Variants in NRG3 observed in about 807,000 individuals in gnomAD.
The protein encoded by NRG3 is pro-neuregulin-3, membrane-bound isoform.
In NRG3, 31 loss-of-function variants were observed where a neutral mutation model predicts 66.9. That is an observed-to-expected ratio of 0.46 (90% CI 0.35 to 0.63). The LOEUF (loss-of-function observed/expected upper bound fraction) is 0.63, where lower values mean the gene tolerates loss of function less well. Among genes scored for constraint, NRG3 ranks in the 20% least tolerant of loss-of-function variants. The pLI is 0.00. For missense variants in NRG3, 910 were observed against 878.9 expected (o/e 1.04, Z -0.45); for synonymous variants, 393 against 359.4 (o/e 1.09, Z -1.06).
chr10:82,322,028 T>A (rs966442125), intron 1 of NRG3, among the ~76,000 whole-genome samples: 15 of 152,176 alleles, frequency 9.9e-5, no homozygotes, highest in African/African-American at 3.6e-4. Context: ...TATAAAGAAC[T>A]CCATTATCTT....
At chr10:81,960,293 A>G (rs1404135656) in intron 1 of NRG3, among the ~76,000 whole-genome samples, 1 of 152,158 alleles carries the variant, frequency 6.6e-6, no homozygotes, top group East Asian at 1.9e-4. Flanking sequence ...GATGACTATA[A>G]CTTCAAATTC....
chr10:82,352,222 C>A (rs930624095), intron 1 of NRG3, among the ~76,000 whole-genome samples: 1 of 152,174 alleles, frequency 6.6e-6, no homozygotes, highest in African/African-American at 2.4e-5. Context: ...CATACAGACA[C>A]ATACACAGAT....
At chr10:82,165,713 G>C (rs1374628635) in intron 1 of NRG3, among the ~76,000 whole-genome samples, 1 of 151,512 alleles carries the variant, frequency 6.6e-6, no homozygotes, top group South Asian at 2.1e-4. Context: ...TTGAGAGGGG[G>C]CGTGACAGAG....
intron 1 of NRG3, among the ~76,000 whole-genome samples, chr10:82,060,104 A>G (rs2064065556): frequency 6.6e-6 from 1 of 152,228 alleles, no homozygotes; most frequent in African/African-American, 2.4e-5. Context: ...TCCCCCACAC[A>G]GGAATTTCAT....
At chr10:82,240,997 A>C (rs2076984408) in intron 1 of NRG3, among the ~76,000 whole-genome samples, 1 of 152,148 alleles carries the variant, frequency 6.6e-6, no homozygotes, top group African/African-American at 2.4e-5. Flanking sequence ...GCAAGAGGAA[A>C]GGTTCTTTTT....
chr10:82,859,920 G>A (rs951411896), intron 3 of NRG3, among the ~76,000 whole-genome samples: 3 of 151,708 alleles, frequency 2.0e-5, no homozygotes, highest in Non-Finnish European at 2.9e-5. Context: ...AGGAATTTTT[G>A]GTGTTAAAAA....
At chr10:82,608,827 C>T (rs1284789661) in intron 2 of NRG3, among the ~76,000 whole-genome samples, 3 of 152,018 alleles carry the variant, frequency 2.0e-5, no homozygotes, top group African/African-American at 7.2e-5. Flanking sequence ...TTCCCCTGCC[C>T]CCTGACTCAC....
At chr10:82,176,757 C>A (rs1392016791) in intron 1 of NRG3, among the ~76,000 whole-genome samples, 1 of 151,980 alleles carries the variant, frequency 6.6e-6, no homozygotes, top group African/African-American at 2.4e-5. Flanking sequence ...TGCTGTTTTC[C>A]TTGACCTGTT....
intron 2 of NRG3, among the ~76,000 whole-genome samples, chr10:82,712,721 C>T (rs2056746834): frequency 6.6e-6 from 1 of 152,036 alleles, no homozygotes; most frequent in Non-Finnish European, 1.5e-5. Flanking sequence ...GTCTTGAGGA[C>T]ATGAGAGCAT....
intron 1 of NRG3, among the ~76,000 whole-genome samples, chr10:82,160,427 A>G (rs2071498563): frequency 6.6e-6 from 1 of 152,018 alleles, no homozygotes; most frequent in South Asian, 2.1e-4. Context: ...ATGCTTTGTC[A>G]TGGCTATACA....
Position 82,959,035 on chromosome 10 carries a change from A to G in NRG3, c.1244A>G (p.Lys415Arg). The G allele has an allele frequency of 2.5e-6, 4 of 1,607,670 alleles. No homozygotes were observed. The highest frequency in any genetic ancestry group is 3.4e-6 in the Non-Finnish European group (4 of 1,178,210). ...YSLKASSTMAKSENLVKSHVQ... is the reference protein window; with the variant it reads ...YSLKASSTMARSENLVKSHVQ... ...CTCAAAGCATCCAGCACAATGGCAA[A>G]GTCAGAGAACTTGGTGAAGAGCCAT... Residue 415 changes from lysine (K) to arginine (R), a missense_variant, in exon 6 of 9, where the codon AAG (lysine) becomes AGG (arginine). Physicochemically the swap from Lys to Arg is conservative, Grantham distance 26. Transcript: ENST00000372141.
intron 1 of NRG3, among the ~76,000 whole-genome samples, chr10:82,288,736 C>G (rs1308508639): frequency 6.6e-6 from 1 of 152,194 alleles, no homozygotes; most frequent in Non-Finnish European, 1.5e-5. Flanking sequence ...TGCAGCAGCA[C>G]CCAGACCATC....
intron 1 of NRG3, among the ~76,000 whole-genome samples, chr10:82,269,592 A>G (rs749448824): frequency 2.6e-5 from 4 of 151,964 alleles, no homozygotes; most frequent in Non-Finnish European, 5.9e-5. Context: ...CTCTCTAAAT[A>G]TATTTTTGAC....
At position 82,582,662 on chromosome 10, in the gene NRG3, TTGTGTGTGTGTGTGTGTG is replaced by T. The variant is rs141112949; in HGVS notation, c.954-155895_954-155878del. 3.4e-5 allele frequency among the ~76,000 whole-genome samples: 5 copies of T among 146,478 alleles called. No individual in the cohort carries two copies. The East Asian group carries it at 8.1e-4, about 24-fold the overall frequency. On this transcript the variant is annotated intron_variant, in intron 2 of 8. Coordinates refer to ENST00000372141, the MANE Select transcript of NRG3 (RefSeq NM_001010848.4). ...GAAGAGGGAAAAATATCTATATGTG[TTGTGTGTGTGTGTGTGTG>T]TGTGTGTGTGTGTGTGTGTTTTATA...
chr10:82,273,361 G>A (rs569272084), intron 1 of NRG3, among the ~76,000 whole-genome samples: 3 of 152,054 alleles, frequency 2.0e-5, no homozygotes, highest in South Asian at 2.1e-4. Context: ...AAGTACAAGG[G>A]TGATGTTTTA....
At chr10:82,764,794 G>T (rs17100775) in intron 3 of NRG3, among the ~76,000 whole-genome samples, 12,347 of 152,220 alleles carry the variant, frequency 0.081, 633 homozygotes, top group African/African-American at 0.13. Flanking sequence ...AGATGCTGCA[G>T]CAACTGTATG....
At chr10:82,422,914 A>G (rs770685823) in intron 2 of NRG3, among the ~76,000 whole-genome samples, 1 of 152,000 alleles carries the variant, frequency 6.6e-6, no homozygotes, top group African/African-American at 2.4e-5. Flanking sequence ...TATATAAATG[A>G]TATATGAGTT....
intron 4 of NRG3, among the ~76,000 whole-genome samples, chr10:82,878,535 A>G (rs538309522): frequency 6.6e-6 from 1 of 152,348 alleles, no homozygotes; most frequent in African/African-American, 2.4e-5. Flanking sequence ...TGCCAGATTC[A>G]GAGAAAGCGG....
At chr10:82,803,126 G>T (rs751304673) in intron 3 of NRG3, among the ~76,000 whole-genome samples, 26 of 152,260 alleles carry the variant, frequency 1.7e-4, no homozygotes, top group Non-Finnish European at 3.4e-4. Flanking sequence ...TTTGCATTCA[G>T]AACTCTGTGA....
Sources: gnomAD v4.1 joint callset for allele counts (sites outside exome capture counted in the v4.1 genomes callset) on GRCh38, gnomAD v4.1.1 for gene constraint, MANE v1.5 for transcripts, NCBI Gene and HGNC (gene_info 2026-07-23, HGNC 2026-07-21) for gene names.